CYLD: variants seen among roughly 807,000 people sequenced by gnomAD.
CYLD encodes CYLD lysine 63 deubiquitinase, also known as ubiquitin carboxyl-terminal hydrolase CYLD.
A neutral mutation model predicts 104.5 loss-of-function variants in CYLD; 26 were observed. The observed-to-expected ratio is 0.25, with a 90% CI of 0.18 to 0.35. The LOEUF (loss-of-function observed/expected upper bound fraction) is 0.35. Among genes scored for constraint, CYLD ranks in the 10% least tolerant of loss-of-function variants. The pLI is 1.00. For synonymous variants in CYLD, 385 were observed against 399.9 expected, an observed-to-expected ratio of 0.96 and a Z score of 0.45; for missense variants, 703 against 1,136.1, an observed-to-expected ratio of 0.62 and a Z score of 5.48.
intron 12 of CYLD, chr16:50,784,698 A>G (rs201673968): frequency 2.4e-6 from 1 of 420,498 alleles, no homozygotes; most frequent in East Asian, 5.1e-5. Flanking sequence ...TTGCTAGAGT[A>G]AACTATAATT....
chr16:50,766,257 C>T (rs1201854576), intron 5 of CYLD, among the ~76,000 whole-genome samples: 1 of 152,182 alleles, frequency 6.6e-6, no homozygotes, highest in Non-Finnish European at 1.5e-5. Flanking sequence ...ATCTACTCTG[C>T]CTGTGCTCTA....
intron 5 of CYLD, among the ~76,000 whole-genome samples, chr16:50,761,528 A>T (rs1005415709): frequency 6.6e-6 from 1 of 152,080 alleles, no homozygotes; most frequent in Non-Finnish European, 1.5e-5. Context: ...TGGGTATCTC[A>T]TATTAGTGGA....
intron 16 of CYLD, 92 bp from the exon 17 acceptor site, chr16:50,793,454 T>C: frequency 2.2e-6 from 2 of 911,060 alleles, no homozygotes; most frequent in Non-Finnish European, 3.7e-6. Context: ...CATTGTCCTT[T>C]TTAAAGCCTA....
rs930761996 is a variant in CYLD, at chr16:50,794,764, G to A, written c.2686+336G>A. The A allele has an allele frequency of 1.1e-5, 4 of 362,668 alleles. No individual in the cohort carries two copies. Among genetic ancestry groups the A allele is most frequent in the East Asian group, 1.4e-4 (2 of 14,490 alleles). 22.5% of individuals were successfully genotyped at this position (362,668 alleles called of 1,614,324 possible). On this transcript the variant is annotated intron_variant, in intron 18 of 18. Transcript: ENST00000427738. This position sits in a 1 kb window ranked among gnomAD's most constrained non-coding sequence, Gnocchi z 4.1. The stretch of plus-strand genomic sequence containing the variant: ...GCCTCCTGAGTAGCTGGGACTACAC[G>A]CATATGCCACCATGCCTGGCTAATT...
intron 8 of CYLD, among the ~76,000 whole-genome samples, chr16:50,778,926 A>G (rs1316752483): frequency 6.6e-6 from 1 of 152,196 alleles, no homozygotes; most frequent in African/African-American, 2.4e-5. Flanking sequence ...TTGATCTGCA[A>G]TACCTGCCTG....
intron 5 of CYLD, among the ~76,000 whole-genome samples, chr16:50,772,726 C>CTAGGCCAAAGGCTA (rs57327649): frequency 0.23 from 34,792 of 152,054 alleles, 6,518 homozygotes; most frequent in African/African-American, 0.52. Context: ...AGTAGAATTG[C>CTAGGCCAAAGGCTA]TATGCATTTT....
intron 2 of CYLD, among the ~76,000 whole-genome samples, chr16:50,745,560 T>C (rs1407411249): frequency 6.6e-6 from 1 of 151,690 alleles, no homozygotes; most frequent in Admixed American, 6.6e-5. Flanking sequence ...CTTTTCTTTT[T>C]TTTTCTTCCT....
intron 2 of CYLD, among the ~76,000 whole-genome samples, chr16:50,747,346 G>A (rs1194712575): frequency 6.6e-6 from 1 of 152,150 alleles, no homozygotes; most frequent in Non-Finnish European, 1.5e-5. Context: ...GCATACAGCA[G>A]GAAACCACAG....
chr16:50,767,875 A>G (rs989356299), intron 5 of CYLD, among the ~76,000 whole-genome samples: 2 of 152,252 alleles, frequency 1.3e-5, no homozygotes, highest in Non-Finnish European at 2.9e-5. Flanking sequence ...AGCAAAGCAA[A>G]GAAAAAAACC....
At chr16:50,783,873 G>T (rs1027899621) in intron 11 of CYLD, 10 of 181,272 alleles carry the variant, frequency 5.5e-5, no homozygotes, top group Non-Finnish European at 1.2e-4. Flanking sequence ...AGCATTTAAA[G>T]AAATTTATTA....
At chr16:50,755,004 T>C (rs1171643886) in intron 5 of CYLD, among the ~76,000 whole-genome samples, 239 of 11,020 alleles carry the variant, frequency 0.022, 4 homozygotes, top group Middle Eastern at 0.062. Context: ...TATGTATATA[T>C]ACATATATAT....
Position 50,800,552 on chromosome 16 carries a change from G to A in CYLD, c.*4044G>A, listed in dbSNP as rs1972384487. The A allele has an allele frequency of 4.3e-6, 1 of 232,786 alleles. No individual in the cohort carries two copies. The highest frequency in any genetic ancestry group is 5.6e-5 in the Admixed American group (1 of 17,770). 14.4% of individuals were successfully genotyped at this position (232,786 alleles called of 1,614,324 possible). A position where few individuals can be genotyped will look rare whatever the true frequency, so the allele number is the denominator to read the frequency against. On this transcript the variant is annotated 3_prime_UTR_variant, in exon 19 of 19. Coordinates refer to ENST00000427738, the MANE Select transcript of CYLD (RefSeq NM_001378743.1). The stretch of plus-strand genomic sequence containing the variant: ...AGTAAGACTTAAGAGGATATTTGAT[G>A]TTATTTACCTGGATATTTTCTTCCC...
In CYLD at chr16:50,742,792, AC is replaced by A; in HGVS notation, c.-172del. 2.5e-6 allele frequency: 1 copy of A among 397,004 alleles called. No individual in the cohort carries two copies. Among genetic ancestry groups the A allele is most frequent in the Non-Finnish European group, 4.4e-6 (1 of 225,410 alleles). 24.6% of individuals were successfully genotyped at this position (397,004 alleles called of 1,614,324 possible). A position where few individuals can be genotyped will look rare whatever the true frequency, so the allele number is the denominator to read the frequency against. The stretch of plus-strand genomic sequence containing the variant: ...CCCTTTCTAGGGTGAGGATGGTTCT[AC>A]ACAGCCACCCGGAGTTCCTTAGTTG... On this transcript the variant is annotated 5_prime_UTR_variant, in exon 2 of 19. It removes the in-frame stop codon of an upstream open reading frame in the 5' UTR. Transcript: ENST00000427738.
intron 2 of CYLD, among the ~76,000 whole-genome samples, chr16:50,745,278 C>T (rs1393319318): frequency 6.6e-6 from 1 of 151,554 alleles, no homozygotes; most frequent in East Asian, 1.9e-4. Flanking sequence ...TTACTGTTCC[C>T]TAGGCCTTTA....
Position 50,776,188 on chromosome 16 carries a change from C to T in CYLD, c.932C>T (p.Thr311Met), listed in dbSNP as rs200271412. ...DIIPALSESV[T>M]QERRPPKLAF... is the part of the protein sequence containing the mutation. ...ATGCTTACTGTTTCAGAGAGTGTGA[C>T]GCAGGAAAGGAGGCCTCCCAAACTT... The change falls in exon 7 of 19, where the codon ACG becomes ATG. Residue 311 changes from threonine (T) to methionine (M), a missense_variant. By Grantham distance (81) the Thr-to-Met change is moderately conservative. Transcript: ENST00000427738. 71 of 1,610,800 alleles carry T rather than the reference C, an allele frequency of 4.4e-5. No individual in the cohort carries two copies. Among genetic ancestry groups the T allele is most frequent in the Non-Finnish European group, 5.4e-5 (64 of 1,177,406 alleles).
In CYLD at chr16:50,754,423, A is replaced by C; in HGVS notation, c.912A>C (p.Pro304=). The change falls in exon 5 of 19, where the codon CCA becomes CCC. Residue 304 remains proline (P), a splice_region_variant and synonymous_variant. Coordinates refer to ENST00000427738, the MANE Select transcript of CYLD (RefSeq NM_001378743.1). ...TATTGCACATCAATGATATCATCCC[A>C]GGTATGTTTTCTTTGTTTTATACAT... The part of the protein sequence containing the change: ...TILLHINDII[P]ALSESVTQER... 1 of 1,596,474 alleles carries C rather than the reference A, an allele frequency of 6.3e-7. No individual in the cohort carries two copies. The highest frequency in any genetic ancestry group is 8.6e-7 in the Non-Finnish European group (1 of 1,165,468).
chr16:50,782,527 TGTG>T (rs1414905275), intron 11 of CYLD, 61 bp downstream of exon 11: 1 of 1,069,636 alleles, frequency 9.3e-7, no homozygotes, highest in Non-Finnish European at 1.3e-6. Flanking sequence ...CACATACCGG[TGTG>T]TGTGTGTGTG....
chr16:50,796,489 C>T lies in CYLD; in HGVS notation c.2852C>T (p.Thr951Ile), dbSNP rs768810951. The T allele has an allele frequency of 3.1e-6, 5 of 1,613,592 alleles. No homozygotes were observed. Among genetic ancestry groups the T allele is most frequent in the Non-Finnish European group, 4.2e-6 (5 of 1,180,012 alleles). Reference protein sequence around the residue: ...DAYMCMYQSPTMSLYK With the variant: ...DAYMCMYQSPIMSLYK The stretch of plus-strand genomic sequence containing the variant: ...TATATGTGCATGTACCAGAGTCCAA[C>T]AATGAGTTTGTACAAATAACTGGGG... The change falls in exon 19 of 19, where the codon ACA becomes ATA. Residue 951 changes from threonine to isoleucine, a missense_variant. Around this residue, in one of 5 missense-constraint regions of CYLD, gnomAD observed 130 missense variants for 220.2 expected, o/e 0.59. Transcript: ENST00000427738.
intron 18 of CYLD, among the ~76,000 whole-genome samples, chr16:50,795,208 TG>T (rs1408756799): frequency 3.9e-5 from 6 of 152,224 alleles, no homozygotes; most frequent in Non-Finnish European, 8.8e-5. Context: ...TCAGTGCATA[TG>T]TTTTTTTGTA....
Sources: allele counts gnomAD v4.1 joint callset (sites outside exome capture counted in the v4.1 genomes callset), GRCh38; gene constraint gnomAD v4.1.1; regional missense constraint gnomAD v4.1.1; non-coding constraint Gnocchi (gnomAD v3.1); transcripts MANE v1.5; gene names NCBI Gene and HGNC (gene_info 2026-07-23, HGNC 2026-07-21).